PDE7B: variants seen among roughly 807,000 people sequenced by gnomAD.
PDE7B encodes the protein 3',5'-cyclic-AMP phosphodiesterase 7B.
In PDE7B, 29 loss-of-function variants were observed where a neutral mutation model predicts 56.2. That is an observed-to-expected ratio of 0.52 (90% CI 0.38 to 0.70). The LOEUF (loss-of-function observed/expected upper bound fraction) is 0.70. Ranked by LOEUF, PDE7B falls within the 30% of genes least tolerant of loss-of-function variation. The pLI is 0.00. For missense variants in PDE7B, 490 were observed against 565.0 expected (o/e 0.87, Z 1.35); for synonymous variants, 197 against 196.9 (o/e 1.00, Z 0.00).
chr6:135,995,953 T>C (rs1775557552), intron 2 of PDE7B, among the ~76,000 whole-genome samples: 1 of 152,192 alleles, frequency 6.6e-6, no homozygotes, highest in African/African-American at 2.4e-5. Flanking sequence ...CAGCTTTCTT[T>C]AAATAAATGG....
intron 1 of PDE7B, among the ~76,000 whole-genome samples, chr6:135,905,503 T>G (rs1776083609): frequency 6.6e-6 from 1 of 152,166 alleles, no homozygotes; most frequent in Non-Finnish European, 1.5e-5. Context: ...TCCAATACGG[T>G]CTCCTTTCAC....
chr6:135,891,215 G>A (rs908172049), intron 1 of PDE7B, among the ~76,000 whole-genome samples: 8 of 152,158 alleles, frequency 5.3e-5, no homozygotes, highest in Non-Finnish European at 1.0e-4. Context: ...TGGAAAATTA[G>A]GCTTCAAAGC....
chr6:135,987,690 A>C (rs1485684189), intron 2 of PDE7B, among the ~76,000 whole-genome samples: 1 of 152,082 alleles, frequency 6.6e-6, no homozygotes, highest in Non-Finnish European at 1.5e-5. Context: ...CTTTCTTCTG[A>C]AGAAGAAAGA....
intron 1 of PDE7B, among the ~76,000 whole-genome samples, chr6:135,916,397 T>TTC (rs1773945875): frequency 7.2e-6 from 1 of 139,686 alleles, no homozygotes; most frequent in Non-Finnish European, 1.5e-5. Flanking sequence ...TCTTTCTTTT[T>TTC]TTTTTTTTTT....
chr6:136,098,041 T>A (rs1367393135), intron 2 of PDE7B: 1 of 146,006 alleles, frequency 6.8e-6, no homozygotes, highest in Non-Finnish European at 1.5e-5. Flanking sequence ...AGATCAAACA[T>A]CACCCCTTAA....
At chr6:135,903,387 A>G (rs376195265) in intron 1 of PDE7B, among the ~76,000 whole-genome samples, 30 of 152,268 alleles carry the variant, frequency 2.0e-4, no homozygotes, top group African/African-American at 6.5e-4. Context: ...TGTTTCTACC[A>G]CCTACACTTC....
At chr6:135,862,337 A>G (rs1775166379) in intron 1 of PDE7B, among the ~76,000 whole-genome samples, 1 of 151,786 alleles carries the variant, frequency 6.6e-6, no homozygotes, top group Admixed American at 6.6e-5. Context: ...GATTGATTTT[A>G]TAATTTCAAA....
intron 2 of PDE7B, among the ~76,000 whole-genome samples, chr6:136,036,792 G>A (rs1196463974): frequency 6.6e-6 from 1 of 152,220 alleles, no homozygotes; most frequent in East Asian, 1.9e-4. Context: ...GCAATGTGGA[G>A]ACGTGAAGAG....
At chr6:136,111,808 T>C (rs369562295) in intron 3 of PDE7B, among the ~76,000 whole-genome samples, 2 of 152,324 alleles carry the variant, frequency 1.3e-5, no homozygotes, top group South Asian at 4.1e-4. Flanking sequence ...TAGTTTAAAG[T>C]GATTCTTTAG....
intron 2 of PDE7B, among the ~76,000 whole-genome samples, chr6:136,011,614 T>G (rs1775896529): frequency 6.6e-6 from 1 of 152,204 alleles, no homozygotes; most frequent in Non-Finnish European, 1.5e-5. Context: ...TTGTCGGTGT[T>G]GGCTAACCAG....
intron 2 of PDE7B, among the ~76,000 whole-genome samples, chr6:136,055,296 C>T (rs549064004): frequency 2.0e-5 from 3 of 152,312 alleles, no homozygotes; most frequent in Admixed American, 1.3e-4. Flanking sequence ...TGTACTCTAA[C>T]TTCTGTGCTG....
chr6:136,023,204 C>A (rs551747492), intron 2 of PDE7B, among the ~76,000 whole-genome samples: 4 of 152,148 alleles, frequency 2.6e-5, no homozygotes, highest in African/African-American at 7.2e-5. Flanking sequence ...TGAGTATTTA[C>A]TGCACCAATG....
intron 1 of PDE7B, among the ~76,000 whole-genome samples, chr6:135,860,840 T>A: frequency 6.7e-6 from 1 of 150,256 alleles, no homozygotes; most frequent in East Asian, 2.0e-4. Flanking sequence ...AATCTTGTTT[T>A]AAATTTTTTT....
intron 2 of PDE7B, among the ~76,000 whole-genome samples, chr6:136,001,469 G>A (rs1402971640): frequency 1.3e-5 from 2 of 152,172 alleles, no homozygotes; most frequent in Non-Finnish European, 2.9e-5. Flanking sequence ...TTAGACAAAT[G>A]TATAACTAGA....
At chr6:135,941,997 G>T (rs867635315) in intron 1 of PDE7B, among the ~76,000 whole-genome samples, 146 of 152,334 alleles carry the variant, frequency 9.6e-4, no homozygotes, top group African/African-American at 3.2e-3. Context: ...ACTGGTTTAA[G>T]AAAGCTGGAA....
intron 2 of PDE7B, among the ~76,000 whole-genome samples, chr6:135,985,406 G>A (rs560719083): frequency 6.6e-6 from 1 of 152,186 alleles, no homozygotes; most frequent in East Asian, 1.9e-4. Flanking sequence ...TTCTTTGGAG[G>A]TCCAAAGTTT....
At chr6:136,176,477 T>C (rs546653359) in intron 9 of PDE7B, among the ~76,000 whole-genome samples, 5 of 152,142 alleles carry the variant, frequency 3.3e-5, no homozygotes, top group Non-Finnish European at 7.4e-5. Context: ...AGCTGTACAT[T>C]GTACTTCATA....
At chr6:136,114,858 T>C (rs899829022) in intron 3 of PDE7B, 2 of 152,242 alleles carry the variant, frequency 1.3e-5, no homozygotes, top group Non-Finnish European at 2.9e-5. Context: ...GCTGTGGTAG[T>C]GGTGCTTTCT....
At chr6:136,141,055 G>A (rs1778315840) in intron 3 of PDE7B, among the ~76,000 whole-genome samples, 2 of 152,102 alleles carry the variant, frequency 1.3e-5, no homozygotes, top group South Asian at 4.1e-4. Flanking sequence ...GTTTTCAAAG[G>A]GAATGCTTCC....
Sources: allele counts gnomAD v4.1 joint callset (sites outside exome capture counted in the v4.1 genomes callset), GRCh38; gene constraint gnomAD v4.1.1; transcripts MANE v1.5; gene names NCBI Gene and HGNC (gene_info 2026-07-23, HGNC 2026-07-21).